Variants in GPM6A observed in about 807,000 individuals in gnomAD.
GPM6A encodes the protein neuronal membrane glycoprotein M6-a.
Under a neutral mutation model 32.1 loss-of-function variants are expected in GPM6A, and 7 were observed. That is an observed-to-expected ratio of 0.22 (90% CI 0.12 to 0.41). GPM6A has a LOEUF of 0.41. Among genes scored for constraint, GPM6A ranks in the 10% least tolerant of loss-of-function variants. The pLI, the probability that GPM6A is intolerant of heterozygous loss-of-function variation, is 1.00. For synonymous variants in GPM6A, 130 were observed against 123.4 expected, an observed-to-expected ratio of 1.05 and a Z score of -0.35; for missense variants, 235 against 347.2, an observed-to-expected ratio of 0.68 and a Z score of 2.57.
At chr4:175,957,851 T>C (rs1401911152) in intron 1 of GPM6A, among the ~76,000 whole-genome samples, 3 of 152,208 alleles carry the variant, frequency 2.0e-5, no homozygotes, top group African/African-American at 7.2e-5. Flanking sequence ...ATATCACCGA[T>C]ATTTCACAGT....
In GPM6A at chr4:175,670,388, A is replaced by C. The variant is rs149358829; in HGVS notation, c.387+3292T>G. Among the ~76,000 whole-genome samples the C allele has an allele frequency of 7.1e-3, 1,087 of 152,336 alleles. 10 individuals carry two copies. The highest frequency in any genetic ancestry group is 0.024 in the African/African-American group (986 of 41,576). ...GGATGGGGGCAAAAAATATCTCAAG[A>C]TTTGAAAATGTGACACACTGAAGGT... On this transcript the variant is annotated intron_variant, in intron 3 of 6. Transcript: ENST00000393658.
intron 4 of GPM6A, among the ~76,000 whole-genome samples, chr4:175,648,823 G>A (rs570423709): frequency 6.6e-6 from 1 of 152,194 alleles, no homozygotes; most frequent in East Asian, 1.9e-4. Flanking sequence ...CCACTTTGAA[G>A]GATCCTTGTG....
chr4:175,889,839 A>G (rs186367229), intron 1 of GPM6A, among the ~76,000 whole-genome samples: 56 of 152,222 alleles, frequency 3.7e-4, no homozygotes, highest in Non-Finnish European at 7.5e-4. Context: ...AACAAAAAAG[A>G]AAGAAAGAAA....
intron 1 of GPM6A, among the ~76,000 whole-genome samples, chr4:175,999,623 A>C (rs1036485147): frequency 6.6e-6 from 1 of 152,116 alleles, no homozygotes; most frequent in Non-Finnish European, 1.5e-5. Flanking sequence ...ATTCTTCCAC[A>C]GTGCTAGAGT....
chr4:175,992,060 G>GCACGCACACACACACACA (rs71770965), intron 1 of GPM6A, among the ~76,000 whole-genome samples: 24 of 137,144 alleles, frequency 1.7e-4, no homozygotes, highest in African/African-American at 6.4e-4. Context: ...AAACACACAT[G>GCACGCACACACACACACA]CACACACACA....
chr4:175,930,522 T>C (rs1739000605), intron 1 of GPM6A, among the ~76,000 whole-genome samples: 1 of 151,970 alleles, frequency 6.6e-6, no homozygotes, highest in Admixed American at 6.6e-5. Context: ...TTTTATGCAT[T>C]TCACAAGCTA....
At chr4:175,784,045 G>A (rs1733706929) in intron 1 of GPM6A, among the ~76,000 whole-genome samples, 1 of 152,010 alleles carries the variant, frequency 6.6e-6, no homozygotes, top group Non-Finnish European at 1.5e-5. Flanking sequence ...TAACTTCAAA[G>A]TGAAGTAACC....
intron 1 of GPM6A, among the ~76,000 whole-genome samples, chr4:175,767,416 G>A (rs1169723415): frequency 6.6e-6 from 1 of 152,164 alleles, no homozygotes; most frequent in African/African-American, 2.4e-5. Context: ...ATTGCACTAT[G>A]TACAGCAAAT....
At chr4:175,754,874 T>C (rs925860484) in intron 1 of GPM6A, among the ~76,000 whole-genome samples, 1 of 152,108 alleles carries the variant, frequency 6.6e-6, no homozygotes, top group Non-Finnish European at 1.5e-5. Flanking sequence ...AAGTGAAATA[T>C]TCATTGATTT....
chr4:175,938,329 A>G (rs1739302829), intron 1 of GPM6A, among the ~76,000 whole-genome samples: 1 of 152,198 alleles, frequency 6.6e-6, no homozygotes, highest in Non-Finnish European at 1.5e-5. Flanking sequence ...GAATTGCCAC[A>G]CTGTCTTCCA....
chr4:175,847,647 T>TA (rs1736131277), intron 1 of GPM6A, among the ~76,000 whole-genome samples: 1 of 152,086 alleles, frequency 6.6e-6, no homozygotes, highest in Non-Finnish European at 1.5e-5. Context: ...AGAGAAGCCA[T>TA]AAAATGCTTC....
At chr4:175,819,965 AATAAATC>A (rs1735223923) in intron 1 of GPM6A, among the ~76,000 whole-genome samples, 1 of 152,224 alleles carries the variant, frequency 6.6e-6, no homozygotes, top group African/African-American at 2.4e-5. Context: ...TTTAAACAGC[AATAAATC>A]AACAAAAGTG....
At position 175,883,201 on chromosome 4, in the gene GPM6A, G is replaced by GT. The variant is rs1306737114; in HGVS notation, c.-22-70953dup. 3.3e-5 allele frequency among the ~76,000 whole-genome samples: 5 copies of GT among 151,922 alleles called. No individual in the cohort carries two copies. The East Asian group carries it at 9.7e-4, about 29-fold the overall frequency. On this transcript the variant is annotated intron_variant, in intron 1 of 7. Transcript: ENST00000280187. The stretch of plus-strand genomic sequence containing the variant: ...ACAGGTAATTAACCCAATTTGCTTT[G>GT]TAACATACTGGTTTGAGATTGCTTC...
At chr4:175,984,794 G>A (rs1399002012) in intron 1 of GPM6A, among the ~76,000 whole-genome samples, 3 of 151,990 alleles carry the variant, frequency 2.0e-5, no homozygotes, top group Non-Finnish European at 4.4e-5. Context: ...GGTAAGATAG[G>A]GATATGTGTG....
At chr4:175,674,577 T>C (rs1476773236) in intron 2 of GPM6A, among the ~76,000 whole-genome samples, 1 of 152,172 alleles carries the variant, frequency 6.6e-6, no homozygotes, top group Non-Finnish European at 1.5e-5. Flanking sequence ...AAAACTTACA[T>C]TAAAAGGGAA....
chr4:175,793,438 G>A (rs751546577), intron 1 of GPM6A, among the ~76,000 whole-genome samples: 4 of 152,068 alleles, frequency 2.6e-5, no homozygotes, highest in East Asian at 1.9e-4. Flanking sequence ...GTGCAGTGGC[G>A]CGATCTCGGC....
chr4:175,674,915 A>T (rs1205429087), intron 2 of GPM6A, among the ~76,000 whole-genome samples: 1 of 152,086 alleles, frequency 6.6e-6, no homozygotes, highest in Non-Finnish European at 1.5e-5. Flanking sequence ...TTTAAAAGAA[A>T]AAAACACCAT....
At chr4:175,812,490 G>A, upstream of GPM6A, 1 of 1,204,344 alleles carries the variant, frequency 8.3e-7, no homozygotes, top group Non-Finnish European at 1.0e-6. Context: ...TCTTCTCAAA[G>A]CTGCCCATTG....
At chr4:175,671,364 AG>A (rs1421195877) in intron 3 of GPM6A, among the ~76,000 whole-genome samples, 1 of 151,270 alleles carries the variant, frequency 6.6e-6, no homozygotes, top group African/African-American at 2.4e-5. Context: ...GCACCGATAT[AG>A]TACCTTCAAA....
Sources: allele counts gnomAD v4.1 joint callset (sites outside exome capture counted in the v4.1 genomes callset), GRCh38; gene constraint gnomAD v4.1.1; transcripts MANE v1.5; gene names NCBI Gene and HGNC (gene_info 2026-07-23, HGNC 2026-07-21).